TXNDC16: variants seen among roughly 807,000 people sequenced by gnomAD.
The protein encoded by TXNDC16 is thioredoxin domain containing 16, also known as thioredoxin domain-containing protein 16.
A neutral mutation model predicts 85.6 loss-of-function variants in TXNDC16; 74 were observed. That is an observed-to-expected ratio of 0.86 (90% CI 0.72 to 1.05). The LOEUF (loss-of-function observed/expected upper bound fraction) is 1.05, where lower values mean the gene tolerates loss of function less well. Among genes scored for constraint, TXNDC16 ranks in the 50% least tolerant of loss-of-function variants. The pLI, the probability that TXNDC16 is intolerant of heterozygous loss-of-function variation, is 0.00. For missense variants in TXNDC16, 959 were observed against 947.0 expected, an observed-to-expected ratio of 1.01 and a Z score of -0.17; for synonymous variants, 335 against 326.5, an observed-to-expected ratio of 1.03 and a Z score of -0.28.
At chr14:52,465,842 A>T (rs2035761310) in intron 16 of TXNDC16, among the ~76,000 whole-genome samples, 1 of 152,220 alleles carries the variant, frequency 6.6e-6, no homozygotes, top group South Asian at 2.1e-4. Flanking sequence ...AAACTATCAA[A>T]GTAAAAATAA....
At chr14:52,486,328 G>A (rs2036270681) in intron 12 of TXNDC16, among the ~76,000 whole-genome samples, 1 of 140,578 alleles carries the variant, frequency 7.1e-6, no homozygotes, top group African/African-American at 2.7e-5. Context: ...CTGTTGCCCA[G>A]GTAGGAGTGC....
At chr14:52,511,021 C>A (rs2036940746) in intron 9 of TXNDC16, among the ~76,000 whole-genome samples, 1 of 151,964 alleles carries the variant, frequency 6.6e-6, no homozygotes, top group Non-Finnish European at 1.5e-5. Flanking sequence ...ATTAAAATGT[C>A]ATTTAATGAA....
At chr14:52,465,633 A>C (rs2035756757) in intron 16 of TXNDC16, among the ~76,000 whole-genome samples, 1 of 151,908 alleles carries the variant, frequency 6.6e-6, no homozygotes, top group African/African-American at 2.4e-5. Context: ...TTACCGACTC[A>C]AGAGGCCACC....
At chr14:52,442,957 A>G (rs1389648727) in intron 18 of TXNDC16, among the ~76,000 whole-genome samples, 1 of 152,248 alleles carries the variant, frequency 6.6e-6, no homozygotes, top group East Asian at 1.9e-4. Flanking sequence ...ATGTATGACA[A>G]TAAGAAAACT....
intron 6 of TXNDC16, among the ~76,000 whole-genome samples, chr14:52,527,060 C>A (rs2037353209): frequency 6.6e-6 from 1 of 152,214 alleles, no homozygotes; most frequent in African/African-American, 2.4e-5. Context: ...TCATCTGTAT[C>A]CTTTGCGATA....
chr14:52,439,752 T>C (rs1327844643), intron 19 of TXNDC16, among the ~76,000 whole-genome samples: 1 of 152,176 alleles, frequency 6.6e-6, no homozygotes, highest in Non-Finnish European at 1.5e-5. Context: ...ATTAAATGAT[T>C]ACATAACTAG....
chr14:52,544,663 A>G (rs750302077), intron 1 of TXNDC16, among the ~76,000 whole-genome samples: 1 of 152,048 alleles, frequency 6.6e-6, no homozygotes, highest in Non-Finnish European at 1.5e-5. Context: ...AATATTATCA[A>G]TAAGCACATA....
chr14:52,547,572 A>T (rs1314325686), intron 1 of TXNDC16, among the ~76,000 whole-genome samples: 1 of 152,244 alleles, frequency 6.6e-6, no homozygotes, highest in African/African-American at 2.4e-5. Context: ...GAACAGAACT[A>T]GAGCCCTAGC....
At chr14:52,462,934 G>T (rs769561845) in intron 16 of TXNDC16, 5 of 455,712 alleles carry the variant, frequency 1.1e-5, no homozygotes, top group African/African-American at 2.0e-5. Context: ...TTGGCTCTCA[G>T]ATTTCCTCAC....
At chr14:52,480,669 AT>A (rs1460847596) in intron 14 of TXNDC16, among the ~76,000 whole-genome samples, 2 of 152,054 alleles carry the variant, frequency 1.3e-5, no homozygotes, top group Non-Finnish European at 2.9e-5. Context: ...AAATAAAAAA[AT>A]AATAGATGTT....
rs183932201 is a variant in TXNDC16, at chr14:52,508,711, A to G, written c.756+2529T>C. 4.0e-3 allele frequency among the ~76,000 whole-genome samples: 613 copies of G among 152,332 alleles called. 4 individuals are homozygous for G. Among genetic ancestry groups the G allele is most frequent in the Admixed American group, 4.8e-3 (73 of 15,310 alleles). ...ACTGGATTAACAAAATGTGGCATAT[A>G]TACACCATGGAATACTATGCAGCCT... On this transcript the variant is annotated intron_variant, in intron 9 of 20. Transcript: ENST00000281741.
intron 18 of TXNDC16, among the ~76,000 whole-genome samples, chr14:52,444,648 C>T (rs905472212): frequency 6.6e-5 from 10 of 152,012 alleles, no homozygotes; most frequent in East Asian, 3.9e-4. Flanking sequence ...GTTTCTCCTA[C>T]GTTTCTAAGG....
chr14:52,549,901 T>C (rs2038011815), intron 1 of TXNDC16, among the ~76,000 whole-genome samples: 1 of 152,146 alleles, frequency 6.6e-6, no homozygotes, highest in Admixed American at 6.5e-5. Context: ...CTTCCCAAAG[T>C]GCTGGGATTA....
At chr14:52,463,317 A>G (rs1488766352) in intron 16 of TXNDC16, among the ~76,000 whole-genome samples, 1 of 152,194 alleles carries the variant, frequency 6.6e-6, no homozygotes, top group African/African-American at 2.4e-5. Context: ...CAATGGACAC[A>G]ATGGGCCCAG....
chr14:52,504,059 A>G lies in TXNDC16; in HGVS notation c.756+7181T>C, dbSNP rs1357133172. On this transcript the variant is annotated intron_variant, in intron 9 of 20. Transcript: ENST00000281741. Reference sequence around the variant, plus strand: ...AAAAAGAACAAAGCATCCAAGAAATATGGGACTACGTGAAAAGACCAAATC... The same window carrying G: ...AAAAAGAACAAAGCATCCAAGAAATGTGGGACTACGTGAAAAGACCAAATC... 3.9e-5 allele frequency among the ~76,000 whole-genome samples: 6 copies of G among 152,218 alleles called. No individual in the cohort carries two copies. In the East Asian group the frequency reaches 1.2e-3, roughly 29 times the overall value.
At chr14:52,470,373 CAG>C (rs1304521849) in intron 15 of TXNDC16, 137 bp downstream of exon 15, 100 of 1,102,842 alleles carry the variant, frequency 9.1e-5, no homozygotes, top group Admixed American at 3.8e-4. Flanking sequence ...GAAATGTACA[CAG>C]ACTTTCATAA....
At chr14:52,541,272 T>C (rs985891268) in intron 4 of TXNDC16, among the ~76,000 whole-genome samples, 1 of 152,076 alleles carries the variant, frequency 6.6e-6, no homozygotes, top group Non-Finnish European at 1.5e-5. Context: ...GTTATGTTCG[T>C]CCATAAGGGC....
intron 1 of TXNDC16, among the ~76,000 whole-genome samples, chr14:52,545,915 T>A (rs1313630439): frequency 6.6e-6 from 1 of 151,548 alleles, no homozygotes; most frequent in Non-Finnish European, 1.5e-5. Flanking sequence ...AAGAGCAGAG[T>A]GAAAACAAAG....
chr14:52,543,527 C>G lies in TXNDC16; in HGVS notation c.31G>C (p.Gly11Arg). 1 of 1,613,308 alleles carries G rather than the reference C, an allele frequency of 6.2e-7. No homozygotes were observed. Among genetic ancestry groups the G allele is most frequent in the Non-Finnish European group, 8.5e-7 (1 of 1,179,614 alleles). The change falls in exon 3 of 21, where the codon GGG (glycine) becomes CGG (arginine). Residue 11 changes from glycine to arginine, a missense_variant. Coordinates refer to ENST00000281741, the MANE Select transcript of TXNDC16 (RefSeq NM_020784.3). MFSGFNVFRV[G>R]ISFVIMCIFY... Reference sequence around the variant, plus strand: ...ATGCACATTATGACAAAAGAGATCCCAACTCTAAAGACATTGAAGCCGGAA... The same window carrying G: ...ATGCACATTATGACAAAAGAGATCCGAACTCTAAAGACATTGAAGCCGGAA...
Sources: gnomAD v4.1 joint callset for allele counts (sites outside exome capture counted in the v4.1 genomes callset) on GRCh38, gnomAD v4.1.1 for gene constraint, MANE v1.5 for transcripts, NCBI Gene and HGNC (gene_info 2026-07-23, HGNC 2026-07-21) for gene names.